The following EYA4 variants were observed in gnomAD, a reference collection of about 807,000 sequenced individuals.
EYA4 encodes protein phosphatase EYA4.
Under a neutral mutation model 87.9 loss-of-function variants are expected in EYA4, and 31 were observed. The ratio of observed to expected loss-of-function variants is 0.35; its 90% CI spans 0.27 to 0.48. EYA4 has a LOEUF of 0.48. Ranked by LOEUF, EYA4 falls within the 20% of genes least tolerant of loss-of-function variation. The probability of loss-of-function intolerance (pLI) is 0.99; values close to 1 mark genes in which losing one functional copy is unlikely to be tolerated. For missense variants in EYA4, 678 were observed against 761.4 expected, an observed-to-expected ratio of 0.89 and a Z score of 1.29; for synonymous variants, 263 against 270.6, an observed-to-expected ratio of 0.97 and a Z score of 0.28.
At chr6:133,495,527 T>C (rs1318494732) in intron 13 of EYA4, among the ~76,000 whole-genome samples, 1 of 151,464 alleles carries the variant, frequency 6.6e-6, no homozygotes, top group Non-Finnish European at 1.5e-5. Context: ...GCAAGGACTC[T>C]TCATTATGGT....
intron 13 of EYA4, among the ~76,000 whole-genome samples, chr6:133,498,924 G>C (rs923034153): frequency 3.9e-5 from 6 of 152,128 alleles, no homozygotes; most frequent in African/African-American, 9.7e-5. Context: ...CTCATGAATA[G>C]CCAAATATAT....
At position 133,241,582 on chromosome 6, in the gene EYA4, G is replaced by C. The variant is rs1425580454; in HGVS notation, c.-233G>C. The C allele has an allele frequency of 6.6e-6, 1 of 151,836 alleles. No individual in the cohort carries two copies. The highest frequency in any genetic ancestry group is 1.5e-5 in the Non-Finnish European group (1 of 68,156). The allele number at this position is 151,836 out of a possible 1,614,324, so 9.4% of individuals were successfully genotyped here. A position where few individuals can be genotyped will look rare whatever the true frequency, so the allele number is the denominator to read the frequency against. ...CCCCGCTTCTCCCCCGCTTGTGTACGCTATTTGTTGTGGGGTGGCCGAAGG... is the reference window on the plus strand; with the variant it reads ...CCCCGCTTCTCCCCCGCTTGTGTACCCTATTTGTTGTGGGGTGGCCGAAGG... On this transcript the variant is annotated 5_prime_UTR_variant, in exon 1 of 20. Coordinates refer to ENST00000355286, the MANE Select transcript of EYA4 (RefSeq NM_004100.5).
At chr6:133,519,356 A>G (rs1278389109) in intron 17 of EYA4, among the ~76,000 whole-genome samples, 1 of 152,108 alleles carries the variant, frequency 6.6e-6, no homozygotes, top group Non-Finnish European at 1.5e-5. Flanking sequence ...CCATCAGAAT[A>G]CTACAAACAC....
intron 2 of EYA4, among the ~76,000 whole-genome samples, chr6:133,371,497 C>T (rs1009013832): frequency 4.0e-4 from 61 of 152,252 alleles, no homozygotes; most frequent in African/African-American, 1.3e-3. Context: ...TGTTACTTAT[C>T]AAAAATGACC....
At chr6:133,475,160 T>G (rs1454588157) in intron 11 of EYA4, among the ~76,000 whole-genome samples, 3 of 152,128 alleles carry the variant, frequency 2.0e-5, no homozygotes, top group Non-Finnish European at 4.4e-5. Flanking sequence ...TTAGGTAGTT[T>G]GACAGTGGAT....
At chr6:133,513,167 C>A in intron 16 of EYA4, 129 bp downstream of exon 16, 2 of 931,910 alleles carry the variant, frequency 2.1e-6, no homozygotes, top group Non-Finnish European at 1.6e-6. Context: ...CACATTGAGC[C>A]AGAAGTTTCT....
At chr6:133,500,577 A>G (rs976463634) in intron 13 of EYA4, among the ~76,000 whole-genome samples, 9 of 152,168 alleles carry the variant, frequency 5.9e-5, no homozygotes, top group African/African-American at 1.9e-4. Context: ...AACCTCCTCA[A>G]TTACTAGGGG....
intron 1 of EYA4, among the ~76,000 whole-genome samples, chr6:133,269,807 G>A (rs915890034): frequency 1.3e-5 from 2 of 148,712 alleles, no homozygotes; most frequent in Non-Finnish European, 3.0e-5. Context: ...ATATATATAT[G>A]GGAGTTTATT....
At chr6:133,327,787 G>A (rs748070392) in intron 2 of EYA4, among the ~76,000 whole-genome samples, 5 of 152,190 alleles carry the variant, frequency 3.3e-5, no homozygotes, top group African/African-American at 4.8e-5. Flanking sequence ...TCAGTCTATA[G>A]AGACTCCTTC....
At chr6:133,241,094 G>A (rs1346865709), upstream of EYA4, among the ~76,000 whole-genome samples, 8 of 143,906 alleles carry the variant, frequency 5.6e-5, no homozygotes, top group South Asian at 8.3e-4. Flanking sequence ...CGCCACCCGG[G>A]ACATCCAGGG....
intron 2 of EYA4, among the ~76,000 whole-genome samples, chr6:133,306,212 T>C (rs1779795283): frequency 6.6e-6 from 1 of 152,204 alleles, no homozygotes; most frequent in South Asian, 2.1e-4. Context: ...TGACCAAAGA[T>C]ACTTACCGCG....
At chr6:133,368,285 T>A (rs1785005030) in intron 2 of EYA4, among the ~76,000 whole-genome samples, 1 of 152,212 alleles carries the variant, frequency 6.6e-6, no homozygotes, top group Non-Finnish European at 1.5e-5. Flanking sequence ...TGTTCCTACC[T>A]CGCCCCGCTT....
chr6:133,468,860 G>A (rs947692964), intron 11 of EYA4, 129 bp downstream of exon 11: 27 of 936,138 alleles, frequency 2.9e-5, no homozygotes, highest in South Asian at 1.6e-4. Context: ...ATCTGTGTTA[G>A]CATGACTGTG....
chr6:133,265,353 A>AT (rs1006722263), intron 1 of EYA4, among the ~76,000 whole-genome samples: 4 of 151,784 alleles, frequency 2.6e-5, no homozygotes, highest in African/African-American at 9.7e-5. Context: ...TGAAATTCAT[A>AT]TTTTCTGGTG....
intron 10 of EYA4, among the ~76,000 whole-genome samples, chr6:133,466,815 G>A (rs1365551881): frequency 3.3e-5 from 5 of 151,848 alleles, no homozygotes; most frequent in Non-Finnish European, 7.4e-5. Flanking sequence ...TGCATGAGGG[G>A]GAAGTGGGGA....
At chr6:133,250,407 C>T (rs527496503) in intron 1 of EYA4, among the ~76,000 whole-genome samples, 5 of 151,984 alleles carry the variant, frequency 3.3e-5, no homozygotes, top group African/African-American at 7.2e-5. Context: ...TTTGGGAGGC[C>T]GAGGCGGATG....
At chr6:133,275,454 G>C (rs978984527) in intron 2 of EYA4, among the ~76,000 whole-genome samples, 1 of 151,948 alleles carries the variant, frequency 6.6e-6, no homozygotes, top group East Asian at 1.9e-4. Flanking sequence ...GGAAGCTGTC[G>C]TTTGAGCTGT....
At chr6:133,281,781 T>C (rs1216643666) in intron 2 of EYA4, among the ~76,000 whole-genome samples, 1 of 152,170 alleles carries the variant, frequency 6.6e-6, no homozygotes, top group African/African-American at 2.4e-5. Context: ...TCCCTGCCAC[T>C]TCCGGTAGTT....
intron 2 of EYA4, among the ~76,000 whole-genome samples, chr6:133,373,530 C>T (rs943843266): frequency 2.6e-5 from 4 of 151,932 alleles, no homozygotes; most frequent in Admixed American, 1.3e-4. Context: ...TGGTTCACTG[C>T]GAAGCTGCAC....
Sources: allele counts gnomAD v4.1 joint callset (sites outside exome capture counted in the v4.1 genomes callset), GRCh38; gene constraint gnomAD v4.1.1; transcripts MANE v1.5; gene names NCBI Gene and HGNC (gene_info 2026-07-23, HGNC 2026-07-21).